NLN: variants seen among roughly 807,000 people sequenced by gnomAD.
NLN encodes the protein neurolysin.
NLN carries 64 observed loss-of-function variants against 79.9 expected under a neutral mutation model. That is an observed-to-expected ratio of 0.80 (90% CI 0.65 to 0.99). The LOEUF (loss-of-function observed/expected upper bound fraction) is 0.99. Among genes scored for constraint, NLN ranks in the 50% least tolerant of loss-of-function variants. The pLI is 0.00. For synonymous variants in NLN, 267 were observed against 296.6 expected (o/e 0.90, Z 1.02); for missense variants, 835 against 858.7 (o/e 0.97, Z 0.34).
chr5:65,806,183 C>A (rs1760406563), intron 9 of NLN, among the ~76,000 whole-genome samples: 1 of 152,230 alleles, frequency 6.6e-6, no homozygotes, highest in Admixed American at 6.5e-5. Flanking sequence ...ATGTTGTTTT[C>A]ATGCCTGCTA....
intron 2 of NLN, among the ~76,000 whole-genome samples, chr5:65,759,324 G>A (rs935187518): frequency 6.6e-6 from 1 of 151,896 alleles, no homozygotes; most frequent in Non-Finnish European, 1.5e-5. Context: ...CAGAAGAACT[G>A]GAAGAAAATA....
chr5:65,748,729 G>C (rs1254893724), intron 1 of NLN, among the ~76,000 whole-genome samples: 1 of 152,106 alleles, frequency 6.6e-6, no homozygotes, highest in African/African-American at 2.4e-5. Flanking sequence ...CTCCAGCCTG[G>C]GCAACAGAAC....
intron 9 of NLN, among the ~76,000 whole-genome samples, chr5:65,798,675 GTTATT>G (rs1760219086): frequency 1.3e-5 from 2 of 151,898 alleles, no homozygotes; most frequent in African/African-American, 4.8e-5. Flanking sequence ...TCTTCTTTTT[GTTATT>G]TTATTTGTTT....
At chr5:65,776,848 T>C (rs547583521) in intron 3 of NLN, among the ~76,000 whole-genome samples, 56 of 152,318 alleles carry the variant, frequency 3.7e-4, no homozygotes, top group Non-Finnish European at 6.5e-4. Context: ...CAGATACTTG[T>C]TCCTATGCGG....
chr5:65,752,974 A>G (rs140134740), intron 1 of NLN, among the ~76,000 whole-genome samples: 3 of 152,066 alleles, frequency 2.0e-5, no homozygotes, highest in Admixed American at 6.5e-5. Flanking sequence ...TTCCAGGTTC[A>G]GGGAATAGTA....
intron 1 of NLN, among the ~76,000 whole-genome samples, chr5:65,724,641 A>AT (rs1351427572): frequency 6.6e-6 from 1 of 152,060 alleles, no homozygotes; most frequent in Non-Finnish European, 1.5e-5. Flanking sequence ...GGATAGTACT[A>AT]TGTTTAGTTT....
At chr5:65,759,158 T>C (rs186883743) in intron 2 of NLN, among the ~76,000 whole-genome samples, 2 of 152,268 alleles carry the variant, frequency 1.3e-5, no homozygotes, top group East Asian at 1.9e-4. Context: ...TATGTATAAA[T>C]AGGTATTCTT....
chr5:65,821,042 C>CAAAAAAAAAAA (rs1326744179), intron 12 of NLN, among the ~76,000 whole-genome samples: 1 of 57,522 alleles, frequency 1.7e-5, no homozygotes, highest in Non-Finnish European at 3.6e-5. Context: ...GACTCTGTCT[C>CAAAAAAAAAAA]AAAAAAAAAA....
chr5:65,724,928 A>G (rs1758429566), intron 1 of NLN, among the ~76,000 whole-genome samples: 1 of 151,190 alleles, frequency 6.6e-6, no homozygotes, highest in African/African-American at 2.4e-5. Context: ...CAGCCTCCCA[A>G]GTAGCTGGGA....
chr5:65,744,542 C>T (rs1758933929), intron 1 of NLN, among the ~76,000 whole-genome samples: 1 of 148,052 alleles, frequency 6.8e-6, no homozygotes, highest in South Asian at 2.1e-4. Context: ...AGTAACAAGT[C>T]AATAAATCCT....
intron 9 of NLN, among the ~76,000 whole-genome samples, chr5:65,802,135 T>G (rs1282545473): frequency 1.3e-5 from 2 of 152,176 alleles, no homozygotes; most frequent in Non-Finnish European, 1.5e-5. Flanking sequence ...TTTGCCCAGG[T>G]TTTGCTTGGG....
rs544943957 is a variant in NLN at position 65,785,893 on chromosome 5, G to A, written c.941G>A (p.Arg314His). Residue 314 changes from arginine to histidine, a missense_variant, in exon 7 of 13, where the codon CGC becomes CAC. Coordinates refer to ENST00000380985, the MANE Select transcript of NLN (RefSeq NM_020726.5). ...LEMNTAKSTSRVTAFLDDLSQ... is the reference protein window; with the variant it reads ...LEMNTAKSTSHVTAFLDDLSQ... ...ATGAACACTGCAAAGAGCACAAGCC[G>A]CGTAACAGCCTTTCTAGGTTAGTTC... The A allele has an allele frequency of 3.6e-5, 58 of 1,611,860 alleles. No homozygotes were observed. Among genetic ancestry groups the A allele is most frequent in the South Asian group, 9.9e-5 (9 of 90,622 alleles).
At position 65,722,372 on chromosome 5, in the gene NLN, C is replaced by T; in HGVS notation, c.-2C>T. ...CGCCGCCGCCAGCCTCTCAGCGCTC[C>T]CATGATCGCCCGGTGCCTTTTGGCT... On this transcript the variant is annotated 5_prime_UTR_variant, in exon 1 of 13. Coordinates refer to ENST00000380985, the MANE Select transcript of NLN (RefSeq NM_020726.5). 1.0e-5 allele frequency: 16 copies of T among 1,581,914 alleles called. No individual in the cohort carries two copies. Among genetic ancestry groups the T allele is most frequent in the Non-Finnish European group, 1.3e-5 (15 of 1,166,464 alleles).
intron 3 of NLN, among the ~76,000 whole-genome samples, chr5:65,773,760 T>C (rs1479638967): frequency 1.3e-5 from 2 of 151,960 alleles, no homozygotes; most frequent in Admixed American, 6.6e-5. Context: ...CTGGGCAACA[T>C]GATTAAACCC....
intron 9 of NLN, among the ~76,000 whole-genome samples, chr5:65,806,049 T>C (rs889476215): frequency 6.6e-6 from 1 of 152,178 alleles, no homozygotes; most frequent in Admixed American, 6.5e-5. Context: ...CATGGTTTAC[T>C]GACTATTTTA....
intron 11 of NLN, among the ~76,000 whole-genome samples, chr5:65,811,583 C>T (rs150163012): frequency 1.9e-4 from 29 of 152,106 alleles, no homozygotes; most frequent in South Asian, 6.2e-4. Flanking sequence ...TTTGGGAGAC[C>T]GAGGCAGGCA....
intron 1 of NLN, among the ~76,000 whole-genome samples, chr5:65,754,307 C>T (rs572028225): frequency 6.6e-6 from 1 of 152,114 alleles, no homozygotes; most frequent in Non-Finnish European, 1.5e-5. Flanking sequence ...GGATGGCTGC[C>T]AGCTGCAATC....
rs1305799207 is a variant in NLN, at chr5:65,733,646, T to A, written c.41+11232T>A. On this transcript the variant is annotated intron_variant, in intron 1 of 12. Transcript: ENST00000380985. ...CATCTGAGAAAGTGGACCTCCATCT[T>A]TGCTCTTAGGGAAGGCCTGATTAGT... is the stretch of plus-strand genomic sequence containing the variant. 12 of 1,480,676 alleles carry A rather than the reference T, an allele frequency of 8.1e-6. 1 individual carries two copies. Among genetic ancestry groups the A allele is most frequent in the Non-Finnish European group, 1.1e-5 (12 of 1,075,922 alleles). 91.7% of individuals were successfully genotyped at this position (1,480,676 alleles called of 1,614,324 possible).
At chr5:65,748,421 G>A (rs1236155089) in intron 1 of NLN, among the ~76,000 whole-genome samples, 1 of 152,060 alleles carries the variant, frequency 6.6e-6, no homozygotes, top group Non-Finnish European at 1.5e-5. Context: ...TCCAAGTGGT[G>A]GTAAGAAGAA....
Sources: allele counts gnomAD v4.1 joint callset (sites outside exome capture counted in the v4.1 genomes callset), GRCh38; gene constraint gnomAD v4.1.1; transcripts MANE v1.5; gene names NCBI Gene and HGNC (gene_info 2026-07-23, HGNC 2026-07-21).